ASB1: variants seen among roughly 807,000 people sequenced by gnomAD.
ASB1 encodes the protein ankyrin repeat and SOCS box protein 1.
A neutral mutation model predicts 27.7 loss-of-function variants in ASB1; 18 were observed. The ratio of observed to expected loss-of-function variants is 0.65; its 90% CI spans 0.45 to 0.96. The LOEUF is 0.96. Among genes scored for constraint, ASB1 ranks in the 50% least tolerant of loss-of-function variants. ASB1 has a pLI of 0.00. For missense variants in ASB1, 397 were observed against 451.7 expected (o/e 0.88, Z 1.10); for synonymous variants, 189 against 187.6 (o/e 1.01, Z -0.06).
intron 2 of ASB1, among the ~76,000 whole-genome samples, chr2:238,434,605 T>C (rs1701932146): frequency 6.6e-6 from 1 of 152,210 alleles, no homozygotes; most frequent in Non-Finnish European, 1.5e-5. Flanking sequence ...TAGCAGTATT[T>C]CATCAAAACA....
At chr2:238,430,514 C>T (rs1288333838) in intron 1 of ASB1, among the ~76,000 whole-genome samples, 1 of 152,220 alleles carries the variant, frequency 6.6e-6, no homozygotes, top group East Asian at 1.9e-4. Context: ...TCAAAGTCAT[C>T]CATGTGGGTT....
At position 238,449,847 on chromosome 2, in the gene ASB1, A is replaced by G. The variant is rs902699531; in HGVS notation, c.*3336A>G. The G allele has an allele frequency of 1.3e-5, 2 of 152,232 alleles. No individual in the cohort carries two copies. Among genetic ancestry groups the G allele is most frequent in the African/African-American group, 4.8e-5 (2 of 41,460 alleles). 9.4% of individuals were successfully genotyped at this position (152,232 alleles called of 1,614,324 possible). A position where few individuals can be genotyped will look rare whatever the true frequency, so the allele number is the denominator to read the frequency against. On this transcript the variant is annotated 3_prime_UTR_variant, in exon 5 of 5. Coordinates refer to ENST00000264607, the MANE Select transcript of ASB1 (RefSeq NM_001040445.3). Reference sequence around the variant, plus strand: ...TTTCAATGAATTGATTCTTCAAATTAAAAGTTCTTGAGAGAAGGAGAGGAA... The same window carrying G: ...TTTCAATGAATTGATTCTTCAAATTGAAAGTTCTTGAGAGAAGGAGAGGAA...
intron 1 of ASB1, among the ~76,000 whole-genome samples, chr2:238,431,787 A>G (rs779137016): frequency 7.9e-5 from 12 of 152,238 alleles, no homozygotes; most frequent in Admixed American, 5.2e-4. Context: ...GTCAGAACAC[A>G]GACCACGTTG....
At position 238,451,475 on chromosome 2, in the gene ASB1, T is replaced by C. The variant is rs910237730; in HGVS notation, c.*4964T>C. ...CAGTGCCCTGCCCTGCCCTGCAGTG[T>C]CTGCTCAGCTCCCACTGCTTCTCTT... On this transcript the variant is annotated 3_prime_UTR_variant, in exon 5 of 5. Coordinates refer to ENST00000264607, the MANE Select transcript of ASB1 (RefSeq NM_001040445.3). The C allele has an allele frequency of 1.3e-5, 2 of 152,414 alleles. No homozygotes were observed. The highest frequency in any genetic ancestry group is 4.8e-5 in the African/African-American group (2 of 41,458). The allele number at this position is 152,414 out of a possible 1,614,324, so 9.4% of individuals were successfully genotyped here.
chr2:238,450,241 G>C lies in ASB1; in HGVS notation c.*3730G>C, dbSNP rs1702257118. On this transcript the variant is annotated 3_prime_UTR_variant, in exon 5 of 5. Coordinates refer to ENST00000264607, the MANE Select transcript of ASB1 (RefSeq NM_001040445.3). The stretch of plus-strand genomic sequence containing the variant: ...TTGTGGCCCACAGCATAGCACTGGG[G>C]ACAGAGCGCTCTATGCAGGTGAGGC... The C allele has an allele frequency of 6.6e-6, 1 of 152,282 alleles. No homozygotes were observed. The highest frequency in any genetic ancestry group is 2.1e-4 in the South Asian group (1 of 4,838). The allele number at this position is 152,282 out of a possible 1,614,324, so 9.4% of individuals were successfully genotyped here.
At chr2:238,446,027 G>A (rs1219610003) in intron 4 of ASB1, among the ~76,000 whole-genome samples, 1 of 152,274 alleles carries the variant, frequency 6.6e-6, no homozygotes, top group Non-Finnish European at 1.5e-5. Flanking sequence ...GGCTGACAGA[G>A]GCTGGGCGTC....
At chr2:238,435,343 C>T in intron 2 of ASB1, 1 of 252,930 alleles carries the variant, frequency 4.0e-6, no homozygotes, top group East Asian at 1.1e-4. Flanking sequence ...GGGGCTCTTA[C>T]CCAGACTCCC....
rs1702201852 is a variant in ASB1, at chr2:238,447,381, C to G, written c.*870C>G. On this transcript the variant is annotated 3_prime_UTR_variant, in exon 5 of 5. Transcript: ENST00000264607. ...AGTCCTCTGGGTGGTTATGAGCCTC[C>G]AGGCGCATGCTGTCCAGTGGACAGA... The G allele has an allele frequency of 6.5e-6, 1 of 152,810 alleles. No individual in the cohort carries two copies. The highest frequency in any genetic ancestry group is 2.4e-5 in the African/African-American group (1 of 41,472). The allele number at this position is 152,810 out of a possible 1,614,324, so 9.5% of individuals were successfully genotyped here. A position where few individuals can be genotyped will look rare whatever the true frequency, so the allele number is the denominator to read the frequency against.
At position 238,439,285 on chromosome 2, in the gene ASB1, G is replaced by C. The variant is rs34186128; in HGVS notation, c.494+3272G>C. ...CATTGTCATGTGAGTGTGTTGGTTG[G>C]AGAGTGGGTGGTGTTTGTGTTTGTA... On this transcript the variant is annotated intron_variant, in intron 3 of 4. Transcript: ENST00000264607. Among the ~76,000 whole-genome samples the C allele has an allele frequency of 8.5e-5, 13 of 152,270 alleles. No individual in the cohort carries two copies. In the South Asian group the frequency reaches 2.7e-3, roughly 32 times the overall value.
At chr2:238,443,629 T>C (rs941859665) in intron 3 of ASB1, among the ~76,000 whole-genome samples, 2 of 152,230 alleles carry the variant, frequency 1.3e-5, no homozygotes, top group African/African-American at 2.4e-5. Context: ...AATGAGATGC[T>C]GACTTCTGGC....
At chr2:238,428,688 C>G (rs1701809921) in intron 1 of ASB1, among the ~76,000 whole-genome samples, 1 of 152,166 alleles carries the variant, frequency 6.6e-6, no homozygotes, top group Non-Finnish European at 1.5e-5. Flanking sequence ...TCAGTTGAAG[C>G]TTAAGTGCTA....
In ASB1 at chr2:238,433,609, C is replaced by G; in HGVS notation, c.105C>G (p.His35Gln). 6.2e-7 allele frequency: 1 copy of G among 1,614,166 alleles called. No individual in the cohort carries two copies. The highest frequency in any genetic ancestry group is 2.2e-5 in the East Asian group (1 of 44,888). The change falls in exon 2 of 5, where the codon CAC (histidine) becomes CAG (glutamine). Residue 35 changes from histidine to glutamine, a missense_variant. By Grantham distance (24) the His-to-Gln change is conservative. Coordinates refer to ENST00000264607, the MANE Select transcript of ASB1 (RefSeq NM_001040445.3). ...REQFCDHPLEHCEDTRLHDAA... is the reference protein window; with the variant it reads ...REQFCDHPLEQCEDTRLHDAA... ...AATTTTGTGATCATCCGCTGGAGCA[C>G]TGTGAGGACACGAGGCTCCATGATG...
rs1014707944 is a variant in ASB1, at chr2:238,448,717, T to G, written c.*2206T>G. The G allele has an allele frequency of 2.0e-5, 3 of 152,482 alleles. No individual in the cohort carries two copies. The highest frequency in any genetic ancestry group is 7.2e-5 in the African/African-American group (3 of 41,458). 9.4% of individuals were successfully genotyped at this position (152,482 alleles called of 1,614,324 possible). ...GGAATGCTGCCTCGTGGGAGTCCCA[T>G]GCGTGAGTGTGGTGGTGTGACCTTC... On this transcript the variant is annotated 3_prime_UTR_variant, in exon 5 of 5. Coordinates refer to ENST00000264607, the MANE Select transcript of ASB1 (RefSeq NM_001040445.3).
intron 1 of ASB1, among the ~76,000 whole-genome samples, chr2:238,433,122 A>G (rs76743409): frequency 0.018 from 2,720 of 152,270 alleles, 80 homozygotes; most frequent in African/African-American, 0.059. Context: ...CTTTGACACA[A>G]TATTGATTCA....
chr2:238,436,285 C>T (rs1216370630), intron 3 of ASB1, among the ~76,000 whole-genome samples: 6 of 151,862 alleles, frequency 4.0e-5, no homozygotes, highest in Non-Finnish European at 7.4e-5. Context: ...AAACTTGCAA[C>T]GTTAATTTAC....
chr2:238,451,008 GAACCTCTCAGTGTGGAATGAACGCTC>G lies in ASB1; in HGVS notation c.*4498_*4523del, dbSNP rs1559418673. 1 of 60,822 alleles carries G rather than the reference GAACCTCTCAGTGTGGAATGAACGCTC, an allele frequency of 1.6e-5. No homozygotes were observed. Among genetic ancestry groups the G allele is most frequent in the Non-Finnish European group, 4.8e-5 (1 of 20,656 alleles). The allele number at this position is 60,822 out of a possible 1,614,324, so 3.8% of individuals were successfully genotyped here. A position where few individuals can be genotyped will look rare whatever the true frequency, so the allele number is the denominator to read the frequency against. On this transcript the variant is annotated 3_prime_UTR_variant, in exon 5 of 5. Coordinates refer to ENST00000264607, the MANE Select transcript of ASB1 (RefSeq NM_001040445.3). ...ACTCCCCTCCTCCCGCTCCAAACCC[GAACCTCTCAGTGTGGAATGAACGCTC>G]CAAACCCGAACCTCTCAGTGTGGAA...
Position 238,433,697 on chromosome 2 carries a change from T to G in ASB1, c.191+2T>G, listed in dbSNP as rs1353379006. 4 of 1,613,522 alleles carry G rather than the reference T, an allele frequency of 2.5e-6. No individual in the cohort carries two copies. The highest frequency in any genetic ancestry group is 2.5e-6 in the Non-Finnish European group (3 of 1,179,866). ...ATTGCAAGAGGAGAGCTACCGGAGG[T>G]GAGCGGCGCTGCCCAGGGCTGGTCC... On this transcript the variant is annotated splice_donor_variant, in intron 2 of 4. Transcript: ENST00000264607. LOFTEE classifies it high-confidence loss of function.
rs543719100 is a variant in ASB1 at position 238,437,773 on chromosome 2, G to A, written c.494+1760G>A. 1.7e-4 allele frequency among the ~76,000 whole-genome samples: 26 copies of A among 152,284 alleles called. No homozygotes were observed. In the South Asian group the frequency reaches 2.3e-3, roughly 13 times the overall value. ...TTCTGTTGTTATAGGCTGCAGCCAGGGTGGCTCTGATGAGCAGGGACCTGG... is the reference window on the plus strand; with the variant it reads ...TTCTGTTGTTATAGGCTGCAGCCAGAGTGGCTCTGATGAGCAGGGACCTGG... On this transcript the variant is annotated intron_variant, in intron 3 of 4. Transcript: ENST00000264607.
chr2:238,430,811 G>A (rs144741520), intron 1 of ASB1, among the ~76,000 whole-genome samples: 2 of 152,322 alleles, frequency 1.3e-5, no homozygotes, highest in East Asian at 3.9e-4. Flanking sequence ...AGAGCTCTTC[G>A]GTGACTAGGC....
Sources: allele counts gnomAD v4.1 joint callset (sites outside exome capture counted in the v4.1 genomes callset), GRCh38; gene constraint gnomAD v4.1.1; transcripts MANE v1.5; gene names NCBI Gene and HGNC (gene_info 2026-07-23, HGNC 2026-07-21).